DIP2A: variants seen among roughly 807,000 people sequenced by gnomAD.
The protein encoded by DIP2A is DIP2 acetate--CoA ligase A.
DIP2A carries 85 observed loss-of-function variants against 177.4 expected under a neutral mutation model. The observed-to-expected ratio is 0.48, with a 90% CI of 0.40 to 0.57. The LOEUF is 0.57. DIP2A is among the 20% of genes least tolerant of loss of function. The probability of loss-of-function intolerance (pLI) is 0.00; values close to 1 mark genes in which losing one functional copy is unlikely to be tolerated. For synonymous variants in DIP2A, 886 were observed against 881.8 expected (o/e 1.00, Z -0.08); for missense variants, 1,791 against 2,100.2 (o/e 0.85, Z 2.88).
intron 6 of DIP2A, among the ~76,000 whole-genome samples, chr21:46,508,200 A>G (rs1319337341): frequency 6.6e-6 from 1 of 151,228 alleles, no homozygotes; most frequent in African/African-American, 2.4e-5. Flanking sequence ...CATCCAGATA[A>G]TTTTTTATTT....
intron 22 of DIP2A, among the ~76,000 whole-genome samples, chr21:46,550,327 C>T (rs191348248): frequency 2.0e-4 from 30 of 152,326 alleles, no homozygotes; most frequent in Admixed American, 1.9e-3. Context: ...CATGTGTACA[C>T]AAATACAGTG....
chr21:46,467,295 CAAAAAA>C (rs527776306), intron 1 of DIP2A, among the ~76,000 whole-genome samples: 2 of 113,506 alleles, frequency 1.8e-5, no homozygotes, highest in Non-Finnish European at 3.6e-5. Context: ...GACTCCGTCT[CAAAAAA>C]AAAAAAAAAA....
chr21:46,464,046 C>T (rs1482833186), intron 1 of DIP2A, among the ~76,000 whole-genome samples: 5 of 151,792 alleles, frequency 3.3e-5, no homozygotes, highest in Admixed American at 6.6e-5. Context: ...CTGTCATTGC[C>T]TTTGTGTTAA....
At chr21:46,582,620 C>G in the DIP2A span, among the ~76,000 whole-genome samples, 1 of 152,164 alleles carries the variant, frequency 6.6e-6, no homozygotes, top group Non-Finnish European at 1.5e-5. Context: ...TTTCCCGACT[C>G]TCCATGGGTT....
intron 1 of DIP2A, among the ~76,000 whole-genome samples, chr21:46,473,225 T>C (rs925104080): frequency 2.6e-5 from 4 of 152,194 alleles, no homozygotes; most frequent in African/African-American, 9.6e-5. Flanking sequence ...AGATGTCAAT[T>C]TCCTATTTTT....
chr21:46,567,608 G>A lies in DIP2A; in HGVS notation c.4702G>A (p.Ala1568Thr), dbSNP rs759175111. ...LADQLDPIYV[A>T]YNM ...TGACCAGCTGGACCCCATCTATGTC[G>A]CCTACAACATGTGAGCGCAGCACAC... The change falls in exon 38 of 38, where the codon GCC (alanine) becomes ACC (threonine). Residue 1568 changes from alanine to threonine, a missense_variant. Physicochemically the swap from Ala to Thr is moderately conservative, Grantham distance 58. Coordinates refer to ENST00000417564, the MANE Select transcript of DIP2A (RefSeq NM_015151.4). 34 of 1,600,714 alleles carry A rather than the reference G, an allele frequency of 2.1e-5. No individual in the cohort carries two copies. Among genetic ancestry groups the A allele is most frequent in the African/African-American group, 6.7e-5 (5 of 74,736 alleles).
chr21:46,517,748 C>T (rs2148667379), intron 8 of DIP2A, among the ~76,000 whole-genome samples: 1 of 152,368 alleles, frequency 6.6e-6, no homozygotes, highest in African/African-American at 2.4e-5. Context: ...CTCGAGACTC[C>T]TAGCCTCTAC....
rs1326593368 is a variant in DIP2A, at chr21:46,550,878, C to T, written c.2839+134C>T. On this transcript the variant is annotated intron_variant, in intron 23 of 37. Coordinates refer to ENST00000417564, the MANE Select transcript of DIP2A (RefSeq NM_015151.4). ...TTGGGGCTGGGGTCAAGAGCCAGAGCGAGTGTGCACCCCAGAATGGTGCCA... is the reference window on the plus strand; with the variant it reads ...TTGGGGCTGGGGTCAAGAGCCAGAGTGAGTGTGCACCCCAGAATGGTGCCA... The T allele has an allele frequency of 2.2e-5, 20 of 911,974 alleles. No homozygotes were observed. In the South Asian group the frequency reaches 2.6e-4, roughly 12 times the overall value. The allele number at this position is 911,974 out of a possible 1,614,324, so 56.5% of individuals were successfully genotyped here.
At chr21:46,554,955 A>G (rs1309406073) in intron 28 of DIP2A, 22 bp downstream of exon 28, 1 of 1,545,364 alleles carries the variant, frequency 6.5e-7, no homozygotes, top group East Asian at 2.4e-5. Context: ...CGCACTGCCC[A>G]GGACCAGTCC....
At position 46,567,528 on chromosome 21, in the gene DIP2A, C is replaced by T; in HGVS notation, c.4622C>T (p.Pro1541Leu). Residue 1541 changes from proline (P) to leucine (L), a missense_variant, in exon 38 of 38, where the codon CCT becomes CTT. Transcript: ENST00000417564. ...VVVIVDPGVI[P>L]INSRGEKQRM... ...GTCATCGTGGACCCAGGGGTGATCCCTATCAACTCTCGGGGTGAGAAGCAG... is the reference window on the plus strand; with the variant it reads ...GTCATCGTGGACCCAGGGGTGATCCTTATCAACTCTCGGGGTGAGAAGCAG... 6.2e-7 allele frequency: 1 copy of T among 1,613,854 alleles called. No homozygotes were observed. Among genetic ancestry groups the T allele is most frequent in the Non-Finnish European group, 8.5e-7 (1 of 1,179,852 alleles).
chr21:46,476,470 C>T (rs2055854867), intron 1 of DIP2A, among the ~76,000 whole-genome samples: 1 of 151,886 alleles, frequency 6.6e-6, no homozygotes, highest in Admixed American at 6.6e-5. Context: ...GGGCACTAGC[C>T]CAGAAGCACA....
downstream of DIP2A, among the ~76,000 whole-genome samples, chr21:46,570,640 T>C (rs1198430966): frequency 6.6e-6 from 1 of 152,254 alleles, no homozygotes; most frequent in East Asian, 1.9e-4. Context: ...ATTATGAATA[T>C]AGCTGATTTA....
At chr21:46,512,130 T>C (rs1316931546) in intron 8 of DIP2A, among the ~76,000 whole-genome samples, 1 of 152,180 alleles carries the variant, frequency 6.6e-6, no homozygotes, top group Non-Finnish European at 1.5e-5. Context: ...TACCTGCCTT[T>C]AAACAAGTGT....
At chr21:46,495,329 C>T (rs947106756) in intron 3 of DIP2A, among the ~76,000 whole-genome samples, 1 of 148,686 alleles carries the variant, frequency 6.7e-6, no homozygotes, top group African/African-American at 2.5e-5. Context: ...AGTGCAATGG[C>T]GTGATCTCGG....
At chr21:46,522,853 G>C (rs1028784039) in intron 8 of DIP2A, among the ~76,000 whole-genome samples, 3 of 152,098 alleles carry the variant, frequency 2.0e-5, no homozygotes, top group African/African-American at 4.8e-5. Context: ...AGAGTCCCAG[G>C]CTGTTAGACC....
At position 46,567,723 on chromosome 21, in the gene DIP2A, TCCTG is replaced by T; in HGVS notation, c.*102_*105del. Reference sequence around the variant, plus strand: ...GAGCTCACTCACCGGGACTCGCCCTTCCTGTGCTCTTACAGATCCCTCTCAACAA... The same window carrying T: ...GAGCTCACTCACCGGGACTCGCCCTTTGCTCTTACAGATCCCTCTCAACAA... On this transcript the variant is annotated 3_prime_UTR_variant, in exon 38 of 38. Transcript: ENST00000417564. 7.1e-7 allele frequency: 1 copy of T among 1,415,156 alleles called. No individual in the cohort carries two copies. The highest frequency in any genetic ancestry group is 9.4e-7 in the Non-Finnish European group (1 of 1,059,448). 87.7% of individuals were successfully genotyped at this position (1,415,156 alleles called of 1,614,324 possible).
intron 1 of DIP2A, among the ~76,000 whole-genome samples, chr21:46,478,966 G>A (rs2056135915): frequency 6.6e-6 from 1 of 152,088 alleles, no homozygotes; most frequent in African/African-American, 2.4e-5. Flanking sequence ...TTTTGCATCT[G>A]GTAGGTAGAT....
At position 46,568,069 on chromosome 21, in the gene DIP2A, A is replaced by C. The variant is rs73907517; in HGVS notation, c.*447A>C. 5,579 of 154,722 alleles carry C rather than the reference A, an allele frequency of 0.036. 307 individuals carry two copies. Among genetic ancestry groups the C allele is most frequent in the African/African-American group, 0.13 (5,213 of 41,550 alleles). The allele number at this position is 154,722 out of a possible 1,614,324, so 9.6% of individuals were successfully genotyped here. ...AAACTTGAGACCATTTACGGGGAGA[A>C]ACTTGATTCTGGGAAGATAGCAGAG... is the stretch of plus-strand genomic sequence containing the variant. On this transcript the variant is annotated 3_prime_UTR_variant, in exon 38 of 38. Transcript: ENST00000417564.
Position 46,558,255 on chromosome 21 carries a change from G to T in DIP2A, c.3831G>T (p.Thr1277=), listed in dbSNP as rs775601186. The T allele has an allele frequency of 1.2e-6, 2 of 1,612,594 alleles. No individual in the cohort carries two copies. The highest frequency in any genetic ancestry group is 1.7e-6 in the Non-Finnish European group (2 of 1,179,800). The part of the protein sequence containing the change: ...MKGVNLSCVR[T]CMVVAEERPR... Reference sequence around the variant, plus strand: ...GGGTGAACCTGTCATGTGTGCGCACGTGCATGGTGGTCGCCGAGGAGCGGC... The same window carrying T: ...GGGTGAACCTGTCATGTGTGCGCACTTGCATGGTGGTCGCCGAGGAGCGGC... Residue 1277 remains threonine, a synonymous_variant, in exon 32 of 38, where the codon ACG becomes ACT. Transcript: ENST00000417564.
Sources: gnomAD v4.1 joint callset for allele counts (sites outside exome capture counted in the v4.1 genomes callset) on GRCh38, gnomAD v4.1.1 for gene constraint, MANE v1.5 for transcripts, NCBI Gene and HGNC (gene_info 2026-07-23, HGNC 2026-07-21) for gene names.